NRDC: variants seen among roughly 807,000 people sequenced by gnomAD.
NRDC encodes the protein nardilysin.
NRDC carries 54 observed loss-of-function variants against 147.1 expected under a neutral mutation model. That is an observed-to-expected ratio of 0.37 (90% CI 0.29 to 0.46). The LOEUF is 0.46. Ranked by LOEUF, NRDC falls within the 20% of genes least tolerant of loss-of-function variation. The pLI, the probability that NRDC is intolerant of heterozygous loss-of-function variation, is 1.00. For synonymous variants in NRDC, 440 were observed against 482.1 expected (o/e 0.91, Z 1.14); for missense variants, 1,082 against 1,370.6 (o/e 0.79, Z 3.33).
chr1:51,812,938 G>A (rs541825683), intron 14 of NRDC, among the ~76,000 whole-genome samples: 1 of 117,056 alleles, frequency 8.5e-6, no homozygotes, highest in South Asian at 2.8e-4. Flanking sequence ...CTCCTGCCCA[G>A]ATGACAGAGC....
intron 1 of NRDC, among the ~76,000 whole-genome samples, chr1:51,855,800 G>A (rs747241929): frequency 2.0e-5 from 3 of 152,104 alleles, no homozygotes; most frequent in Non-Finnish European, 4.4e-5. Context: ...TTGAGCCAGG[G>A]AGGAAGAGGT....
At chr1:51,872,286 C>A (rs975768812) in intron 1 of NRDC, among the ~76,000 whole-genome samples, 4 of 152,160 alleles carry the variant, frequency 2.6e-5, no homozygotes, top group Non-Finnish European at 4.4e-5. Flanking sequence ...TGCACCTGGC[C>A]AACAGAGAGC....
intron 10 of NRDC, among the ~76,000 whole-genome samples, chr1:51,817,611 A>G (rs1680030639): frequency 6.6e-6 from 1 of 152,084 alleles, no homozygotes; most frequent in African/African-American, 2.4e-5. Context: ...GCGCAATATC[A>G]ACTCACTGCA....
intron 1 of NRDC, among the ~76,000 whole-genome samples, chr1:51,868,127 G>A (rs534689653): frequency 6.6e-6 from 1 of 152,196 alleles, no homozygotes; most frequent in African/African-American, 2.4e-5. Context: ...TAACAGAAGA[G>A]AAGGTATGCA....
At chr1:51,874,226 G>A (rs1029423539) in intron 1 of NRDC, among the ~76,000 whole-genome samples, 10 of 151,404 alleles carry the variant, frequency 6.6e-5, no homozygotes, top group Non-Finnish European at 1.5e-4. Flanking sequence ...TTTACGAGCA[G>A]GTTAAACATG....
At chr1:51,831,788 A>C (rs2149216273) in intron 4 of NRDC, among the ~76,000 whole-genome samples, 1 of 152,032 alleles carries the variant, frequency 6.6e-6, no homozygotes, top group South Asian at 2.1e-4. Context: ...CATGTTGGCC[A>C]GGCTGGTCTC....
rs558241807 is a variant in NRDC at position 51,851,697 on chromosome 1, C to CA, written c.342-11184dup. Among the ~76,000 whole-genome samples, 331 of 151,644 alleles carry CA rather than the reference C, an allele frequency of 2.2e-3. 1 individual carries two copies. Among genetic ancestry groups the CA allele is most frequent in the African/African-American group, 7.4e-3 (308 of 41,362 alleles). ...GCATCTCTCTAAACAATTGCTTTTA[C>CA]AAAAAAAAGTTATTTTCTAAACAAA... On this transcript the variant is annotated intron_variant, in intron 1 of 30. Transcript: ENST00000352171.
At chr1:51,817,131 T>A (rs1481064124) in intron 10 of NRDC, among the ~76,000 whole-genome samples, 3 of 152,228 alleles carry the variant, frequency 2.0e-5, no homozygotes, top group Non-Finnish European at 4.4e-5. Context: ...TTAATTAGGT[T>A]ACACAGTTAA....
At chr1:51,867,037 C>T (rs1000823764) in intron 1 of NRDC, among the ~76,000 whole-genome samples, 7 of 151,974 alleles carry the variant, frequency 4.6e-5, no homozygotes, top group East Asian at 1.9e-4. Flanking sequence ...CACAATGATG[C>T]GATCATAGCT....
intron 4 of NRDC, among the ~76,000 whole-genome samples, chr1:51,831,705 A>C (rs1323704130): frequency 6.6e-6 from 1 of 151,750 alleles, no homozygotes; most frequent in Non-Finnish European, 1.5e-5. Context: ...CAGCCTCCCA[A>C]GCAGCTGGGA....
intron 1 of NRDC, among the ~76,000 whole-genome samples, chr1:51,844,439 C>T (rs1197812189): frequency 1.3e-5 from 2 of 151,726 alleles, no homozygotes; most frequent in Non-Finnish European, 2.9e-5. Flanking sequence ...GAGAAAAGAC[C>T]ATGTGAGGAG....
intron 1 of NRDC, among the ~76,000 whole-genome samples, chr1:51,871,408 T>C (rs1280409081): frequency 9.4e-5 from 14 of 149,702 alleles, no homozygotes; most frequent in Non-Finnish European, 1.2e-4. Flanking sequence ...CTTTCACCAG[T>C]AATAATTTCT....
chr1:51,878,072 T>C, intron 1 of NRDC: 8 of 1,412,982 alleles, frequency 5.7e-6, no homozygotes, highest in Non-Finnish European at 7.4e-6. Context: ...TTCTGACGTC[T>C]TACAACCCAA....
intron 1 of NRDC, among the ~76,000 whole-genome samples, chr1:51,860,976 G>C (rs1254905107): frequency 1.4e-5 from 2 of 147,868 alleles, no homozygotes; most frequent in African/African-American, 2.5e-5. Context: ...TTGAGACAGA[G>C]TCTCGATCTG....
intron 1 of NRDC, among the ~76,000 whole-genome samples, chr1:51,843,063 CA>C (rs11356852): frequency 0.34 from 22,609 of 67,460 alleles, 1,118 homozygotes; most frequent in African/African-American, 0.38. Context: ...AAACCTGTCT[CA>C]AAAAAAAAAA....
At chr1:51,874,008 G>A (rs997973968) in intron 1 of NRDC, among the ~76,000 whole-genome samples, 1 of 150,892 alleles carries the variant, frequency 6.6e-6, no homozygotes, top group Non-Finnish European at 1.5e-5. Context: ...GGGCAACTTG[G>A]TGAGACACCT....
intron 2 of NRDC, among the ~76,000 whole-genome samples, chr1:51,837,208 T>C (rs537536647): frequency 6.6e-6 from 1 of 152,264 alleles, no homozygotes; most frequent in South Asian, 2.1e-4. Flanking sequence ...CTTTTGTAAA[T>C]GTCAATTTTA....
intron 18 of NRDC, 56 bp downstream of exon 18, chr1:51,806,738 C>T: frequency 6.6e-7 from 1 of 1,514,342 alleles, no homozygotes; most frequent in Non-Finnish European, 9.1e-7. Context: ...TGAAACAGAG[C>T]ATCTAAAGAG....
At chr1:51,861,020 G>A (rs1682506256) in intron 1 of NRDC, among the ~76,000 whole-genome samples, 1 of 151,112 alleles carries the variant, frequency 6.6e-6, no homozygotes, top group African/African-American at 2.4e-5. Flanking sequence ...CATGAGCTTG[G>A]CTCACTGCAA....
Sources: gnomAD v4.1 joint callset for allele counts (sites outside exome capture counted in the v4.1 genomes callset) on GRCh38, gnomAD v4.1.1 for gene constraint, MANE v1.5 for transcripts, NCBI Gene and HGNC (gene_info 2026-07-23, HGNC 2026-07-21) for gene names.